Variants in RIMS2 observed in about 807,000 individuals in gnomAD.
RIMS2 encodes the protein regulating synaptic membrane exocytosis 2, also known as regulating synaptic membrane exocytosis protein 2.
Under a neutral mutation model 174.4 loss-of-function variants are expected in RIMS2, and 59 were observed. The ratio of observed to expected loss-of-function variants is 0.34; its 90% CI spans 0.27 to 0.42. RIMS2 has a LOEUF of 0.42. RIMS2 is among the 10% of genes least tolerant of loss of function. RIMS2 has a pLI of 1.00. For missense variants in RIMS2, 1,620 were observed against 1,666.3 expected (o/e 0.97, Z 0.48); for synonymous variants, 606 against 572.5 (o/e 1.06, Z -0.84).
intron 1 of RIMS2, among the ~76,000 whole-genome samples, chr8:103,594,919 T>C (rs1284381751): frequency 6.6e-6 from 1 of 151,774 alleles, no homozygotes; most frequent in Non-Finnish European, 1.5e-5. Context: ...TCAGTGAGAT[T>C]TGAAAGCCAG....
chr8:104,237,001 T>TAACTAATA (rs2099262341), intron 19 of RIMS2, among the ~76,000 whole-genome samples: 1 of 152,154 alleles, frequency 6.6e-6, no homozygotes, highest in Non-Finnish European at 1.5e-5. Flanking sequence ...CTTTGGCAAT[T>TAACTAATA]TTCCTGTAAA....
intron 19 of RIMS2, among the ~76,000 whole-genome samples, chr8:104,017,465 A>G (rs1565870586): frequency 6.6e-6 from 1 of 152,090 alleles, no homozygotes; most frequent in Non-Finnish European, 1.5e-5. Flanking sequence ...TAAAATAAGA[A>G]TAATATAGAA....
chr8:103,620,304 A>T (rs2095605589), intron 1 of RIMS2, among the ~76,000 whole-genome samples: 1 of 152,154 alleles, frequency 6.6e-6, no homozygotes, highest in South Asian at 2.1e-4. Flanking sequence ...ACAAGCTTAA[A>T]TTTTTTTTCT....
intron 14 of RIMS2, among the ~76,000 whole-genome samples, chr8:103,960,551 T>C (rs1489597780): frequency 6.6e-6 from 1 of 152,184 alleles, no homozygotes; most frequent in Non-Finnish European, 1.5e-5. Flanking sequence ...GAGTTTGCTT[T>C]TCTGAATTAT....
At position 104,071,425 on chromosome 8, in the gene RIMS2, T is replaced by C. The variant is rs145222382; in HGVS notation, c.3334+56810T>C. On this transcript the variant is annotated intron_variant, in intron 19 of 23. Coordinates refer to ENST00000504942, the Ensembl canonical transcript of RIMS2. Reference sequence around the variant, plus strand: ...TGGAATAAAAACTCTGGAGTTGGGGTCCCTGTGGTGTTTGTTTGTTTGTTT... The same window carrying C: ...TGGAATAAAAACTCTGGAGTTGGGGCCCCTGTGGTGTTTGTTTGTTTGTTT... Among the ~76,000 whole-genome samples the C allele has an allele frequency of 6.8e-3, 1,038 of 152,096 alleles. 12 individuals are homozygous for C. Among genetic ancestry groups the C allele is most frequent in the Non-Finnish European group, 8.7e-3 (590 of 67,948 alleles).
intron 22 of RIMS2, 100 bp downstream of exon 28, chr8:104,249,688 A>G: frequency 1.5e-6 from 1 of 675,800 alleles, no homozygotes; most frequent in South Asian, 1.8e-5. Flanking sequence ...GTTAATCAAG[A>G]TTACTAATGG....
chr8:104,060,706 T>C (rs1323070201), intron 19 of RIMS2, among the ~76,000 whole-genome samples: 3 of 152,204 alleles, frequency 2.0e-5, no homozygotes, highest in African/African-American at 7.2e-5. Flanking sequence ...TATGGGCATT[T>C]AGTGCTATAA....
At chr8:103,553,664 C>G (rs948040381) in intron 1 of RIMS2, among the ~76,000 whole-genome samples, 4 of 152,090 alleles carry the variant, frequency 2.6e-5, no homozygotes, top group African/African-American at 7.2e-5. Flanking sequence ...TCCTATCATA[C>G]TACTAACAGC....
At chr8:104,139,316 T>C (rs570789324) in intron 19 of RIMS2, among the ~76,000 whole-genome samples, 1 of 152,284 alleles carries the variant, frequency 6.6e-6, no homozygotes, top group East Asian at 1.9e-4. Flanking sequence ...ATTTGTATTG[T>C]GATACAGATT....
chr8:103,925,024 T>C (rs2078482529), intron 10 of RIMS2, among the ~76,000 whole-genome samples: 2 of 151,650 alleles, frequency 1.3e-5, no homozygotes, highest in South Asian at 4.1e-4. Flanking sequence ...CTTCCAGAAT[T>C]TAGCAGTTTT....
At chr8:103,789,012 C>A (rs903829763) in intron 3 of RIMS2, among the ~76,000 whole-genome samples, 3 of 152,168 alleles carry the variant, frequency 2.0e-5, no homozygotes, top group African/African-American at 7.2e-5. Flanking sequence ...GCGCAGTATT[C>A]GGGTGGGAGT....
chr8:103,539,621 A>G (rs1285925434), intron 1 of RIMS2, among the ~76,000 whole-genome samples: 1 of 152,246 alleles, frequency 6.6e-6, no homozygotes, highest in Non-Finnish European at 1.5e-5. Context: ...CAGAGCATAC[A>G]GGCATTTTTT....
At chr8:103,810,943 C>CT (rs2098682949) in intron 3 of RIMS2, among the ~76,000 whole-genome samples, 1 of 152,080 alleles carries the variant, frequency 6.6e-6, no homozygotes, top group Admixed American at 6.6e-5. Context: ...GTGCAAATGA[C>CT]TATTATTTCT....
At chr8:103,693,650 T>C (rs2097060286) in intron 1 of RIMS2, among the ~76,000 whole-genome samples, 1 of 152,174 alleles carries the variant, frequency 6.6e-6, no homozygotes, top group Non-Finnish European at 1.5e-5. Flanking sequence ...CTGGGCAAGC[T>C]GTTTGCATGG....
At chr8:104,192,518 T>G (rs1362827327) in intron 19 of RIMS2, among the ~76,000 whole-genome samples, 1 of 152,184 alleles carries the variant, frequency 6.6e-6, no homozygotes, top group Non-Finnish European at 1.5e-5. Context: ...ATAAAAATTT[T>G]TATTTTCTCC....
At chr8:103,948,249 A>G (rs2154542076) in intron 14 of RIMS2, among the ~76,000 whole-genome samples, 1 of 152,334 alleles carries the variant, frequency 6.6e-6, no homozygotes, top group African/African-American at 2.4e-5. Context: ...GTAAATGTGA[A>G]ATGGTACAAC....
chr8:103,595,793 AT>A (rs1310786616), intron 1 of RIMS2, among the ~76,000 whole-genome samples: 1 of 151,988 alleles, frequency 6.6e-6, no homozygotes, highest in Non-Finnish European at 1.5e-5. Flanking sequence ...ATAGTATGGT[AT>A]TTAGTCGTAG....
intron 2 of RIMS2, among the ~76,000 whole-genome samples, chr8:103,747,181 C>A (rs988260377): frequency 1.3e-5 from 2 of 150,998 alleles, no homozygotes; most frequent in Non-Finnish European, 2.9e-5. Context: ...CATGCTGGTG[C>A]GCTGCACCCA....
rs2084748506 is a variant in RIMS2 at position 103,949,347 on chromosome 8, CCTT to C, written c.2701+6424_2701+6426del. 5.9e-5 allele frequency among the ~76,000 whole-genome samples: 9 copies of C among 152,148 alleles called. No homozygotes were observed. In the South Asian group the frequency reaches 1.9e-3, roughly 32 times the overall value. On this transcript the variant is annotated intron_variant, in intron 14 of 23. Coordinates refer to ENST00000504942, the Ensembl canonical transcript of RIMS2. ...AAAACATTCTACAAGTCAGAAAACA[CCTT>C]CTCTCCAAGTTCATTGAGAACATTC...
Sources: gnomAD v4.1 joint callset for allele counts (sites outside exome capture counted in the v4.1 genomes callset) on GRCh38, gnomAD v4.1.1 for gene constraint, MANE v1.5 for transcripts, NCBI Gene and HGNC (gene_info 2026-07-23, HGNC 2026-07-21) for gene names.